UGT2B4: variants seen among roughly 807,000 people sequenced by gnomAD.
UGT2B4 encodes UDP glucuronosyltransferase family 2 member B4, also known as UDP-glucuronosyltransferase 2B4.
UGT2B4 carries 49 observed loss-of-function variants against 49.8 expected under a neutral mutation model. That is an observed-to-expected ratio of 0.98 (90% CI 0.78 to 1.25). UGT2B4 has a LOEUF of 1.25. Among genes scored for constraint, UGT2B4 ranks in the 50% most tolerant of loss-of-function variants. The pLI is 0.00. For synonymous variants in UGT2B4, 246 were observed against 217.7 expected (o/e 1.13, Z -1.14); for missense variants, 729 against 627.7 (o/e 1.16, Z -1.73).
At chr4:69,510,094 T>A (rs922429302) in intron 1 of UGT2B4, among the ~76,000 whole-genome samples, 3 of 152,192 alleles carry the variant, frequency 2.0e-5, no homozygotes, top group Non-Finnish European at 2.9e-5. Context: ...CATAGTACCA[T>A]TTATTTAAGA....
Position 69,495,874 on chromosome 4 carries a change from C to T in UGT2B4, c.-13G>A. The T allele has an allele frequency of 2.6e-6, 4 of 1,561,446 alleles. No homozygotes were observed. Among genetic ancestry groups the T allele is most frequent in the Non-Finnish European group, 3.5e-6 (4 of 1,157,288 alleles). Reference sequence around the variant, plus strand: ...ATTTCATAGACATCCTGATGCAATGCAATGCTTGTTTTCCAGTTGCTGCTC... The same window carrying T: ...ATTTCATAGACATCCTGATGCAATGTAATGCTTGTTTTCCAGTTGCTGCTC... On this transcript the variant is annotated 5_prime_UTR_variant, in exon 1 of 6. Coordinates refer to ENST00000305107, the MANE Select transcript of UGT2B4 (RefSeq NM_021139.3).
chr4:69,481,268 C>CA (rs1231222148), intron 5 of UGT2B4, among the ~76,000 whole-genome samples: 1 of 151,576 alleles, frequency 6.6e-6, no homozygotes, highest in African/African-American at 2.4e-5. Context: ...ACTTCCCTCT[C>CA]AAAAAAAGAG....
intron 1 of UGT2B4, among the ~76,000 whole-genome samples, chr4:69,504,904 T>A (rs1037416986): frequency 6.6e-6 from 1 of 152,224 alleles, no homozygotes; most frequent in Admixed American, 6.5e-5. Context: ...ACAGTGTACC[T>A]CTCAGCTGAA....
intron 1 of UGT2B4, among the ~76,000 whole-genome samples, chr4:69,508,283 G>T (rs140363253): frequency 3.3e-3 from 504 of 152,300 alleles, no homozygotes; most frequent in Non-Finnish European, 5.0e-3. Flanking sequence ...CATCATGGAA[G>T]ACAGTGTGGT....
rs2109814721 is a variant in UGT2B4 at position 69,495,388 on chromosome 4, C to T, written c.474G>A (p.Glu158=). 2 of 1,613,960 alleles carry T rather than the reference C, an allele frequency of 1.2e-6. No individual in the cohort carries two copies. The highest frequency in any genetic ancestry group is 1.7e-6 in the Non-Finnish European group (2 of 1,179,946). The stretch of plus-strand genomic sequence containing the variant: ...GTATTTTAAGTAACTCGGCCAGCAG[C>T]TCACCAAAGGGGAAAACAGCATCTG... ...VLADAVFPFG[E]LLAELLKIPF... is the part of the protein sequence containing the mutation. The change falls in exon 1 of 6, where the codon GAG becomes GAA. Residue 158 remains glutamate, a synonymous_variant. Coordinates refer to ENST00000305107, the MANE Select transcript of UGT2B4 (RefSeq NM_021139.3).
At chr4:69,521,757 A>G (rs1170681389) in intron 1 of UGT2B4, among the ~76,000 whole-genome samples, 2 of 152,196 alleles carry the variant, frequency 1.3e-5, no homozygotes, top group Admixed American at 1.3e-4. Flanking sequence ...TGGTGAAGCG[A>G]TATCCCGAGG....
chr4:69,485,598 G>A (rs565600543), intron 4 of UGT2B4, among the ~76,000 whole-genome samples, 171 bp from the exon 5 acceptor site: 15 of 152,110 alleles, frequency 9.9e-5, no homozygotes, highest in Non-Finnish European at 1.6e-4. Flanking sequence ...TGTAAGTGAA[G>A]GCTATGTGGT....
intron 5 of UGT2B4, among the ~76,000 whole-genome samples, chr4:69,484,492 T>C (rs977868698): frequency 2.6e-5 from 4 of 151,742 alleles, no homozygotes; most frequent in Non-Finnish European, 5.9e-5. Flanking sequence ...CTAAAAACCA[T>C]AAAAAAACAA....
In UGT2B4 at chr4:69,494,786, A is replaced by G. The variant is rs1439238438; in HGVS notation, c.721+355T>C. ...GTTCTAAAAAATGTGTAACTACTCA[A>G]TCTACCAGTATGCATTCAGCAAGAT... On this transcript the variant is annotated intron_variant, in intron 1 of 5. Transcript: ENST00000305107. Among the ~76,000 whole-genome samples, 4 of 152,182 alleles carry G rather than the reference A, an allele frequency of 2.6e-5. No homozygotes were observed. In the East Asian group the frequency reaches 5.8e-4, roughly 22 times the overall value.
chr4:69,502,071 T>TTCC lies in UGT2B4; in HGVS notation c.-105-6106_-105-6105insGGA. The stretch of plus-strand genomic sequence containing the variant: ...TGTCTCTCTTTCCCTTCCTTCCTTC[T>TTCC]TTTCTTTCTTTCTTTCTCTCTCTTT... On this transcript the variant is annotated intron_variant, in intron 1 of 1. Coordinates refer to the UGT2B4 transcript ENST00000510114. 3.5e-5 allele frequency among the ~76,000 whole-genome samples: 4 copies of TTCC among 112,806 alleles called. 1 individual carries two copies. Among genetic ancestry groups the TTCC allele is most frequent in the African/African-American group, 1.4e-4 (4 of 28,114 alleles). 74.0% of individuals were successfully genotyped at this position (112,806 alleles called of 152,430 possible).
intron 1 of UGT2B4, among the ~76,000 whole-genome samples, chr4:69,510,977 C>CCTTTTTTTTTTTTTTTTT (rs1486311871): frequency 2.0e-5 from 2 of 98,168 alleles, no homozygotes; most frequent in African/African-American, 3.6e-5. Flanking sequence ...AATACTCTTT[C>CCTTTTTTTTTTTTTTTTT]TTTTCTTTTC....
intron 1 of UGT2B4, among the ~76,000 whole-genome samples, chr4:69,509,517 C>T (rs909317859): frequency 1.3e-5 from 2 of 152,066 alleles, no homozygotes; most frequent in Non-Finnish European, 2.9e-5. Flanking sequence ...TGCTTGTGTG[C>T]ATCTGTGCTA....
chr4:69,500,449 C>G (rs1728270990), upstream of UGT2B4, among the ~76,000 whole-genome samples: 1 of 140,928 alleles, frequency 7.1e-6, no homozygotes, highest in Non-Finnish European at 1.5e-5. Flanking sequence ...AATAAATGAC[C>G]TTTGAACAAG....
At chr4:69,488,740 C>T (rs967811642) in intron 3 of UGT2B4, among the ~76,000 whole-genome samples, 1 of 151,894 alleles carries the variant, frequency 6.6e-6, no homozygotes, top group African/African-American at 2.4e-5. Context: ...AGGGTCCACC[C>T]TCAGAGCAGG....
intron 1 of UGT2B4, among the ~76,000 whole-genome samples, chr4:69,515,541 C>T (rs2116560): frequency 0.35 from 53,400 of 151,872 alleles, 9,463 homozygotes; most frequent in Non-Finnish European, 0.37. Flanking sequence ...CACTAGATGC[C>T]CACATCAAAA....
chr4:69,500,618 A>AAAGCAAGC (rs1560438354), upstream of UGT2B4, among the ~76,000 whole-genome samples: 3 of 82,470 alleles, frequency 3.6e-5, no homozygotes, highest in Non-Finnish European at 9.0e-5. Context: ...AGAAAGAAAG[A>AAAGCAAGC]AAGAAAGAAA....
intron 1 of UGT2B4, among the ~76,000 whole-genome samples, chr4:69,524,106 T>A (rs912748068): frequency 8.9e-6 from 1 of 112,732 alleles, no homozygotes; most frequent in Non-Finnish European, 2.0e-5. Flanking sequence ...TTTCTTCACG[T>A]CAGCGATAAT....
chr4:69,504,814 T>A (rs1728429623), intron 1 of UGT2B4, among the ~76,000 whole-genome samples: 1 of 151,132 alleles, frequency 6.6e-6, no homozygotes, highest in Admixed American at 6.6e-5. Context: ...TTCTTCTTGG[T>A]AGAAATGAAA....
intron 5 of UGT2B4, among the ~76,000 whole-genome samples, chr4:69,483,896 T>G (rs1727686915): frequency 6.6e-6 from 1 of 152,184 alleles, no homozygotes; most frequent in South Asian, 2.1e-4. Flanking sequence ...TATTTATAAA[T>G]TATATATCTC....
Sources: gnomAD v4.1 joint callset for allele counts (sites outside exome capture counted in the v4.1 genomes callset) on GRCh38, gnomAD v4.1.1 for gene constraint, MANE v1.5 for transcripts, NCBI Gene and HGNC (gene_info 2026-07-23, HGNC 2026-07-21) for gene names.